The following PCM1 variants were observed in gnomAD, a reference collection of about 807,000 sequenced individuals.
The protein encoded by PCM1 is pericentriolar material 1.
PCM1 carries 157 observed loss-of-function variants against 241.9 expected under a neutral mutation model. The ratio of observed to expected loss-of-function variants is 0.65; its 90% confidence interval spans 0.57 to 0.74. The LOEUF is 0.74. Among genes scored for constraint, PCM1 ranks in the 30% least tolerant of loss-of-function variants. The pLI, the probability that PCM1 is intolerant of heterozygous loss-of-function variation, is 0.00. For synonymous variants in PCM1, 1,085 were observed against 784.9 expected, an observed-to-expected ratio of 1.38 and a Z score of -6.39; for missense variants, 3,478 against 2,360.1, an observed-to-expected ratio of 1.47 and a Z score of -9.81.
intron 29 of PCM1, among the ~76,000 whole-genome samples, chr8:18,003,501 C>G (rs755141040): frequency 2.0e-5 from 3 of 152,168 alleles, no homozygotes; most frequent in Non-Finnish European, 4.4e-5. Flanking sequence ...CAGGAGCCAG[C>G]CCAAATGTTA....
chr8:18,027,908 C>T lies in PCM1; in HGVS notation c.*246C>T, dbSNP rs2094343853. On this transcript the variant is annotated 3_prime_UTR_variant, in exon 39 of 39. Transcript: ENST00000325083. ...CTTTTTTGGGTCTTCATTTTTTTCC[C>T]CATTGTGATGTTTGGTAACGAATTT... 1 of 374,160 alleles carries T rather than the reference C, an allele frequency of 2.7e-6. No individual in the cohort carries two copies. The highest frequency in any genetic ancestry group is 1.4e-4 in the South Asian group (1 of 7,276). 23.2% of individuals were successfully genotyped at this position (374,160 alleles called of 1,614,324 possible).
chr8:17,969,487 G>A, intron 21 of PCM1, 90 bp from the exon 22 acceptor site: 1 of 933,508 alleles, frequency 1.1e-6, no homozygotes, highest in Non-Finnish European at 1.6e-6. Context: ...GGATTTGAAT[G>A]ACATGTTTAA....
At chr8:17,985,245 A>G (rs113789627) in intron 24 of PCM1, among the ~76,000 whole-genome samples, 2,072 of 151,950 alleles carry the variant, frequency 0.014, 37 homozygotes, top group African/African-American at 0.046. Context: ...CATTTTTAGT[A>G]TAAAATGCAT....
chr8:18,009,537 C>G lies in PCM1; in HGVS notation c.4963-10C>G, dbSNP rs1354261133. ...TGTCTTTAAAAATTATTTGGTTTAT[C>G]TTTGAATAGGATTCACTGGCAAAAT... On this transcript the variant is annotated splice_polypyrimidine_tract_variant and intron_variant, in intron 30 of 38. Coordinates refer to ENST00000325083, the MANE Select transcript of PCM1 (RefSeq NM_006197.4). The G allele has an allele frequency of 6.4e-7, 1 of 1,565,368 alleles. No homozygotes were observed. The highest frequency in any genetic ancestry group is 8.7e-7 in the Non-Finnish European group (1 of 1,149,518).
At chr8:17,928,926 C>G (rs441757) in intron 2 of PCM1, among the ~76,000 whole-genome samples, 2 of 152,050 alleles carry the variant, frequency 1.3e-5, no homozygotes, top group Non-Finnish European at 2.9e-5. Context: ...GCCACCGCAC[C>G]CGACCAGTAT....
At chr8:17,958,468 T>TA (rs1304180675) in intron 13 of PCM1, among the ~76,000 whole-genome samples, 1 of 152,156 alleles carries the variant, frequency 6.6e-6, no homozygotes, top group East Asian at 1.9e-4. Flanking sequence ...CAATTATAGT[T>TA]ACATAACTAT....
intron 29 of PCM1, among the ~76,000 whole-genome samples, chr8:18,005,424 G>C (rs2090991824): frequency 6.6e-6 from 1 of 151,324 alleles, no homozygotes; most frequent in East Asian, 1.9e-4. Context: ...AAGTCTGAGA[G>C]GGGACCTTGA....
chr8:17,943,610 ATTC>A (rs1161680719), intron 6 of PCM1, among the ~76,000 whole-genome samples: 1 of 152,114 alleles, frequency 6.6e-6, no homozygotes, highest in Non-Finnish European at 1.5e-5. Flanking sequence ...AGTGATTATT[ATTC>A]TTTTTTGAAT....
At position 18,014,806 on chromosome 8, in the gene PCM1, C is replaced by A; in HGVS notation, c.5807C>A (p.Pro1936His). 6.2e-7 allele frequency: 1 copy of A among 1,603,682 alleles called. No homozygotes were observed. Residue 1936 changes from proline to histidine, a missense_variant, in exon 36 of 39, where the codon CCT becomes CAT. Pro to His is a moderately conservative substitution (Grantham distance 77). Transcript: ENST00000325083. ...CCTGAAAGCTCTCTGGCTGGAAGTC[C>A]TGATACTGAATCTCCAGTGTTAGTG... ...ETPESSLAGSPDTESPVLVND... is the reference protein window; with the variant it reads ...ETPESSLAGSHDTESPVLVND...
At chr8:17,973,680 G>C (rs1415897767) in intron 23 of PCM1, among the ~76,000 whole-genome samples, 1 of 150,016 alleles carries the variant, frequency 6.7e-6, no homozygotes, top group African/African-American at 2.5e-5. Context: ...TCATGCCACT[G>C]TACTCCCAGC....
chr8:17,997,116 G>T (rs774269979), intron 29 of PCM1, among the ~76,000 whole-genome samples: 5 of 152,166 alleles, frequency 3.3e-5, no homozygotes, highest in African/African-American at 1.2e-4. Context: ...TTTTGTCTGG[G>T]AAAGTATTTC....
At chr8:18,026,944 A>G (rs144511979) in intron 38 of PCM1, among the ~76,000 whole-genome samples, 5 of 152,130 alleles carry the variant, frequency 3.3e-5, no homozygotes, top group Admixed American at 6.5e-5. Flanking sequence ...GGTTGCTTCT[A>G]TATAAATATC....
In PCM1 at chr8:17,968,824, T is replaced by A. The variant is rs185031303; in HGVS notation, c.3413-753T>A. On this transcript the variant is annotated intron_variant, in intron 21 of 38. Coordinates refer to ENST00000325083, the MANE Select transcript of PCM1 (RefSeq NM_006197.4). ...TTATAGGATTTTCAAGACAGTGGCA[T>A]AAAAAATTTAAGAGACTTTTTAGTT... Among the ~76,000 whole-genome samples, 37 of 151,108 alleles carry A rather than the reference T, an allele frequency of 2.4e-4. 1 individual carries two copies. In the East Asian group the frequency reaches 7.2e-3, roughly 29 times the overall value.
intron 2 of PCM1, chr8:17,927,902 A>C (rs1223741436): frequency 2.0e-5 from 3 of 151,364 alleles, no homozygotes; most frequent in Admixed American, 6.6e-5. Flanking sequence ...AAGTAGCTTA[A>C]AATTGCCATA....
Position 17,938,912 on chromosome 8 carries a change from A to C in PCM1, c.515A>C (p.Lys172Thr). 6.2e-7 allele frequency: 1 copy of C among 1,613,790 alleles called. No individual in the cohort carries two copies. Among genetic ancestry groups the C allele is most frequent in the Non-Finnish European group, 8.5e-7 (1 of 1,179,678 alleles). Residue 172 changes from lysine to threonine, a missense_variant, in exon 5 of 39, where the codon AAA becomes ACA. Coordinates refer to ENST00000325083, the MANE Select transcript of PCM1 (RefSeq NM_006197.4). The stretch of plus-strand genomic sequence containing the variant: ...GAAACGATTGGATCAGCACAGTGTA[A>C]AGAGTTGTTTGCTTCTGCTTTAAGT... ...NRETIGSAQCKELFASALSND... is the reference protein window; with the variant it reads ...NRETIGSAQCTELFASALSND...
In PCM1 at chr8:17,967,236, A is replaced by G. The variant is rs148243834; in HGVS notation, c.3412+66A>G. ...GTGTTTGGAACAACGTAATTTGTCT[A>G]TTGCCTAGATGTTTTAACATTTTCT... On this transcript the variant is annotated intron_variant, in intron 21 of 38. Coordinates refer to ENST00000325083, the MANE Select transcript of PCM1 (RefSeq NM_006197.4). 381 of 1,125,492 alleles carry G rather than the reference A, an allele frequency of 3.4e-4. 1 individual carries two copies. Among genetic ancestry groups the G allele is most frequent in the African/African-American group, 2.7e-3 (172 of 63,536 alleles). The allele number at this position is 1,125,492 out of a possible 1,614,324, so 69.7% of individuals were successfully genotyped here.
At chr8:18,023,353 T>C (rs2093912375) in intron 36 of PCM1, among the ~76,000 whole-genome samples, 1 of 152,220 alleles carries the variant, frequency 6.6e-6, no homozygotes, top group African/African-American at 2.4e-5. Flanking sequence ...TTCTAGATTT[T>C]GTTCTTTGGT....
rs201152808 is a variant in PCM1, at chr8:17,972,432, G to T, written c.3688G>T (p.Val1230Leu). 8 of 1,612,962 alleles carry T rather than the reference G, an allele frequency of 5.0e-6. No homozygotes were observed. In the African/African-American group the frequency reaches 6.7e-5, roughly 13 times the overall value. ...EKPFIKTGFSVSVEKSTSSNR... is the reference protein window; with the variant it reads ...EKPFIKTGFSLSVEKSTSSNR... Reference sequence around the variant, plus strand: ...ACCATTTATCAAGACTGGATTTTCAGTGTCTGTAGAAAAATCTACAAGTAG... The same window carrying T: ...ACCATTTATCAAGACTGGATTTTCATTGTCTGTAGAAAAATCTACAAGTAG... The change falls in exon 23 of 39, where the codon GTG becomes TTG. Residue 1230 changes from valine to leucine, a missense_variant. Physicochemically the swap from Val to Leu is conservative, Grantham distance 32. Transcript: ENST00000325083.
chr8:17,954,876 C>T (rs892721247), intron 9 of PCM1, among the ~76,000 whole-genome samples: 2 of 152,076 alleles, frequency 1.3e-5, no homozygotes, highest in Non-Finnish European at 2.9e-5. Context: ...GTTTTTATTG[C>T]TGTTTAATAT....
Sources: allele counts gnomAD v4.1 joint callset (sites outside exome capture counted in the v4.1 genomes callset), GRCh38; gene constraint gnomAD v4.1.1; transcripts MANE v1.5; gene names NCBI Gene and HGNC (gene_info 2026-07-23, HGNC 2026-07-21).